Variants in GMDS observed in about 807,000 individuals in gnomAD.
GMDS encodes the protein GDP-mannose 4,6 dehydratase.
Under a neutral mutation model 49.9 loss-of-function variants are expected in GMDS, and 20 were observed. The observed-to-expected ratio is 0.40, with a 90% CI of 0.28 to 0.58. GMDS has a LOEUF of 0.58. GMDS is among the 20% of genes least tolerant of loss of function. The probability of loss-of-function intolerance (pLI) is 0.42; values close to 1 mark genes in which losing one functional copy is unlikely to be tolerated. For missense variants in GMDS, 362 were observed against 481.4 expected (o/e 0.75, Z 2.32); for synonymous variants, 177 against 178.6 (o/e 0.99, Z 0.07).
intron 1 of GMDS, among the ~76,000 whole-genome samples, chr6:2,241,714 A>T (rs1427767713): frequency 6.6e-6 from 1 of 152,220 alleles, no homozygotes; most frequent in African/African-American, 2.4e-5. Flanking sequence ...CACTAGCTCC[A>T]TGAGTGGAAG....
In GMDS at chr6:1,826,447, T is replaced by G. The variant is rs112889634; in HGVS notation, c.772-83861A>C. Among the ~76,000 whole-genome samples, 875 of 152,352 alleles carry G rather than the reference T, an allele frequency of 5.7e-3. 4 individuals carry two copies. Among genetic ancestry groups the G allele is most frequent in the Non-Finnish European group, 8.5e-3 (575 of 68,024 alleles). On this transcript the variant is annotated intron_variant, in intron 7 of 10. Coordinates refer to ENST00000380815, the MANE Select transcript of GMDS (RefSeq NM_001500.4). ...AATTTATTTTAGCAAATTGTTTTCA[T>G]GCAAAAGGAGGTTCTAAAATTATTT... is the stretch of plus-strand genomic sequence containing the variant.
chr6:1,644,647 C>T (rs1763432535), intron 9 of GMDS, among the ~76,000 whole-genome samples: 1 of 152,190 alleles, frequency 6.6e-6, no homozygotes, highest in Non-Finnish European at 1.5e-5. Context: ...TCCCTGCTGC[C>T]CGCCCAGGAA....
intron 7 of GMDS, among the ~76,000 whole-genome samples, chr6:1,900,153 G>C (rs1760426414): frequency 3.9e-5 from 6 of 152,252 alleles, no homozygotes; most frequent in African/African-American, 1.4e-4. Context: ...ATCTGGGTCA[G>C]AGGCATCGCT....
At position 1,855,904 on chromosome 6, in the gene GMDS, G is replaced by A. The variant is rs182112643; in HGVS notation, c.771+74199C>T. On this transcript the variant is annotated intron_variant, in intron 7 of 10. Coordinates refer to ENST00000380815, the MANE Select transcript of GMDS (RefSeq NM_001500.4). ...ACACAAACACACGTATGGATGGATGGATGCATGCAGGTACATTACAGGGAG... is the reference window on the plus strand; with the variant it reads ...ACACAAACACACGTATGGATGGATGAATGCATGCAGGTACATTACAGGGAG... Among the ~76,000 whole-genome samples the A allele has an allele frequency of 1.6e-3, 242 of 152,286 alleles. 1 individual carries two copies. Among genetic ancestry groups the A allele is most frequent in the Middle Eastern group, 3.4e-3 (1 of 294 alleles).
At chr6:2,068,427 A>T (rs1438992740) in intron 4 of GMDS, among the ~76,000 whole-genome samples, 1 of 152,138 alleles carries the variant, frequency 6.6e-6, no homozygotes, top group Admixed American at 6.5e-5. Flanking sequence ...GCAATTAGGC[A>T]GGAGAAGGAA....
At chr6:1,633,400 G>A (rs1375885239) in intron 9 of GMDS, among the ~76,000 whole-genome samples, 1 of 152,160 alleles carries the variant, frequency 6.6e-6, no homozygotes, top group Non-Finnish European at 1.5e-5. Flanking sequence ...TTAAGCCTTG[G>A]AGAAGCAAAC....
chr6:2,115,798 G>A lies in GMDS; in HGVS notation c.318C>T (p.Tyr106=). ...IINEVKPTEI[Y]NLGAQSHVKI... ...TGACGTGGCTCTGGGCTCCAAGGTT[G>A]TAGATCTCTGTGGGCTTTACTTCAT... Residue 106 remains tyrosine (Y), a synonymous_variant, in exon 4 of 11, where the codon TAC becomes TAT. Transcript: ENST00000380815. The A allele has an allele frequency of 6.2e-7, 1 of 1,601,024 alleles. No homozygotes were observed. The highest frequency in any genetic ancestry group is 8.6e-7 in the Non-Finnish European group (1 of 1,168,276).
At chr6:1,786,825 T>C (rs1046629521) in intron 7 of GMDS, among the ~76,000 whole-genome samples, 3 of 151,908 alleles carry the variant, frequency 2.0e-5, no homozygotes, top group Non-Finnish European at 4.4e-5. Flanking sequence ...CTGCAGTAAG[T>C]TGAAAACTAT....
At chr6:2,128,738 T>C (rs1393480124) in intron 1 of GMDS, among the ~76,000 whole-genome samples, 1 of 152,224 alleles carries the variant, frequency 6.6e-6, no homozygotes, top group Non-Finnish European at 1.5e-5. Flanking sequence ...TCATTTTCCA[T>C]TACAGGGTAT....
chr6:1,915,180 G>A (rs1761312568), intron 7 of GMDS, among the ~76,000 whole-genome samples: 1 of 152,270 alleles, frequency 6.6e-6, no homozygotes, highest in Non-Finnish European at 1.5e-5. Flanking sequence ...TTGAGGCTGA[G>A]TTGGTTTGAC....
rs745604760 is a variant in GMDS, at chr6:2,239,842, T to C, written c.102+5479A>G. ...CTGGGACTACAGGCACCTGCCCCCA[T>C]GCCCAGCTAATTTTTTTGTATTTTT... is the stretch of plus-strand genomic sequence containing the variant. On this transcript the variant is annotated intron_variant, in intron 1 of 10. Coordinates refer to ENST00000380815, the MANE Select transcript of GMDS (RefSeq NM_001500.4). 4.6e-5 allele frequency among the ~76,000 whole-genome samples: 7 copies of C among 152,164 alleles called. No individual in the cohort carries two copies. In the East Asian group the frequency reaches 5.8e-4, roughly 13 times the overall value.
intron 1 of GMDS, among the ~76,000 whole-genome samples, chr6:2,214,922 T>A (rs761820193): frequency 1.2e-4 from 19 of 152,216 alleles, no homozygotes; most frequent in South Asian, 4.1e-4. Context: ...ATCTTGAGAA[T>A]GATCTTCAAT....
At chr6:2,115,004 T>G (rs1164203497) in intron 4 of GMDS, among the ~76,000 whole-genome samples, 1 of 152,174 alleles carries the variant, frequency 6.6e-6, no homozygotes, top group Non-Finnish European at 1.5e-5. Flanking sequence ...TCTGGACTTT[T>G]GAGGGGCTTT....
chr6:2,054,500 C>T (rs771394322), intron 4 of GMDS, among the ~76,000 whole-genome samples: 3 of 152,110 alleles, frequency 2.0e-5, no homozygotes, highest in Admixed American at 1.3e-4. Flanking sequence ...CATTGTCTTA[C>T]TGGCTTGAAG....
chr6:2,024,240 T>C (rs1441772617), intron 4 of GMDS, among the ~76,000 whole-genome samples: 1 of 152,124 alleles, frequency 6.6e-6, no homozygotes, highest in Non-Finnish European at 1.5e-5. Context: ...AATAGAGATT[T>C]TTTTCAGACA....
intron 6 of GMDS, among the ~76,000 whole-genome samples, chr6:1,953,271 A>T (rs2628446): frequency 0.66 from 100,099 of 151,886 alleles, 33,171 homozygotes; most frequent in African/African-American, 0.74. Context: ...GTAGGAAATC[A>T]AAGCGGCTAA....
chr6:2,174,693 G>A (rs1344585584), intron 1 of GMDS, among the ~76,000 whole-genome samples: 1 of 152,024 alleles, frequency 6.6e-6, no homozygotes, highest in African/African-American at 2.4e-5. Context: ...TCAGGATCCC[G>A]AGTAGCTAGG....
At chr6:2,167,709 G>GA (rs1402720180) in intron 1 of GMDS, among the ~76,000 whole-genome samples, 1 of 151,942 alleles carries the variant, frequency 6.6e-6, no homozygotes, top group Non-Finnish European at 1.5e-5. Flanking sequence ...TAGCCTGCCT[G>GA]AAAAAAACCC....
chr6:2,011,529 A>C (rs1767557315), intron 4 of GMDS, among the ~76,000 whole-genome samples: 1 of 152,238 alleles, frequency 6.6e-6, no homozygotes, highest in Non-Finnish European at 1.5e-5. Context: ...CACAATAGTA[A>C]AGATGTGGAA....
Sources: gnomAD v4.1 joint callset for allele counts (sites outside exome capture counted in the v4.1 genomes callset) on GRCh38, gnomAD v4.1.1 for gene constraint, MANE v1.5 for transcripts, NCBI Gene and HGNC (gene_info 2026-07-23, HGNC 2026-07-21) for gene names.